The following ATF1 variants were observed in gnomAD, a reference collection of about 807,000 sequenced individuals.
ATF1 encodes cyclic AMP-dependent transcription factor ATF-1.
Under a neutral mutation model 34.7 loss-of-function variants are expected in ATF1, and 16 were observed. The ratio of observed to expected loss-of-function variants is 0.46; its 90% CI spans 0.31 to 0.70. The LOEUF (loss-of-function observed/expected upper bound fraction) is 0.70. Ranked by LOEUF, ATF1 falls within the 30% of genes least tolerant of loss-of-function variation. The pLI, the probability that ATF1 is intolerant of heterozygous loss-of-function variation, is 0.05. For missense variants in ATF1, 255 were observed against 321.6 expected (o/e 0.79, Z 1.58); for synonymous variants, 105 against 113.1 (o/e 0.93, Z 0.46).
intron 1 of ATF1, among the ~76,000 whole-genome samples, chr12:50,777,509 T>C (rs959614203): frequency 7.9e-5 from 12 of 152,282 alleles, no homozygotes; most frequent in African/African-American, 2.9e-4. Context: ...CATGTTTACT[T>C]ATACCTGTAA....
chr12:50,764,027 C>G (rs1381140057), upstream of ATF1: 1 of 152,208 alleles, frequency 6.6e-6, no homozygotes, highest in Admixed American at 6.5e-5. Flanking sequence ...CAAACGCACA[C>G]TAGTGCTCAG....
At chr12:50,808,632 T>G (rs1452032297) in intron 3 of ATF1, among the ~76,000 whole-genome samples, 1 of 152,076 alleles carries the variant, frequency 6.6e-6, no homozygotes, top group African/African-American at 2.4e-5. Flanking sequence ...CCCAGCCCTC[T>G]TTACTCTTTA....
Position 50,814,453 on chromosome 12 carries a change from T to C in ATF1, c.671+14T>C. 6.2e-7 allele frequency: 1 copy of C among 1,611,288 alleles called. No homozygotes were observed. Among genetic ancestry groups the C allele is most frequent in the Non-Finnish European group, 8.5e-7 (1 of 1,177,946 alleles). Reference sequence around the variant, plus strand: ...AATGAAAAACAGGTAGGTAGTAAAATCGTAGTACCAGAATGGGTAATGTTT... The same window carrying C: ...AATGAAAAACAGGTAGGTAGTAAAACCGTAGTACCAGAATGGGTAATGTTT... On this transcript the variant is annotated intron_variant, in intron 6 of 6. Transcript: ENST00000262053.
chr12:50,784,559 G>A (rs1029320480), intron 2 of ATF1, among the ~76,000 whole-genome samples: 3 of 152,156 alleles, frequency 2.0e-5, no homozygotes, highest in Non-Finnish European at 4.4e-5. Flanking sequence ...GTTGGGGTGC[G>A]AAGAGGGGAG....
chr12:50,776,233 G>A (rs1940918818), intron 1 of ATF1, among the ~76,000 whole-genome samples: 1 of 150,904 alleles, frequency 6.6e-6, no homozygotes, highest in African/African-American at 2.4e-5. Flanking sequence ...GGAGAATGGT[G>A]TGAACCCGGG....
chr12:50,768,445 C>T (rs1179358731), intron 1 of ATF1, among the ~76,000 whole-genome samples: 1 of 152,230 alleles, frequency 6.6e-6, no homozygotes, highest in Non-Finnish European at 1.5e-5. Context: ...CAAGCTCTAA[C>T]AGCCTGGACT....
chr12:50,783,849 A>T (rs1941124775), intron 2 of ATF1, among the ~76,000 whole-genome samples: 2 of 143,134 alleles, frequency 1.4e-5, no homozygotes, highest in Admixed American at 7.2e-5. Context: ...ACTGGGCGAC[A>T]GCGCAAAACT....
At chr12:50,809,336 T>G in intron 3 of ATF1, 120 bp from the exon 4 acceptor site, 1 of 880,526 alleles carries the variant, frequency 1.1e-6, no homozygotes, top group East Asian at 2.8e-5. Flanking sequence ...ATGGCGCCAC[T>G]GTACTCCAGC....
chr12:50,776,775 A>G (rs1940937294), intron 1 of ATF1, among the ~76,000 whole-genome samples: 1 of 152,180 alleles, frequency 6.6e-6, no homozygotes, highest in African/African-American at 2.4e-5. Flanking sequence ...ATTACAGAGA[A>G]AGGTTTATGC....
intron 3 of ATF1, among the ~76,000 whole-genome samples, chr12:50,807,334 A>G (rs1941634837): frequency 6.6e-6 from 1 of 151,984 alleles, no homozygotes; most frequent in Non-Finnish European, 1.5e-5. Flanking sequence ...GAGCCTGAGA[A>G]GTCACGGTGG....
upstream of ATF1, among the ~76,000 whole-genome samples, chr12:50,763,510 T>A (rs1007617981): frequency 1.3e-5 from 2 of 150,300 alleles, no homozygotes; most frequent in Admixed American, 6.6e-5. Context: ...AGCTGCCCCA[T>A]AGGCTGAGGT....
intron 4 of ATF1, among the ~76,000 whole-genome samples, chr12:50,812,962 A>T (rs1168648233): frequency 6.6e-6 from 1 of 152,224 alleles, no homozygotes; most frequent in Non-Finnish European, 1.5e-5. Context: ...ACATATACAT[A>T]TACATGTATT....
At chr12:50,817,594 T>TG (rs1198583435) in intron 6 of ATF1, among the ~76,000 whole-genome samples, 1 of 152,174 alleles carries the variant, frequency 6.6e-6, no homozygotes, top group Non-Finnish European at 1.5e-5. Context: ...CATACATTAC[T>TG]GAGGGAAGTA....
intron 2 of ATF1, among the ~76,000 whole-genome samples, chr12:50,789,099 G>A (rs1417355682): frequency 1.3e-5 from 2 of 151,016 alleles, no homozygotes; most frequent in Non-Finnish European, 3.0e-5. Context: ...TTTTTTCGGA[G>A]ACAGAGTCTT....
chr12:50,819,889 C>A lies in ATF1; in HGVS notation c.*110C>A. 2 of 956,994 alleles carry A rather than the reference C, an allele frequency of 2.1e-6. No individual in the cohort carries two copies. Among genetic ancestry groups the A allele is most frequent in the Non-Finnish European group, 3.0e-6 (2 of 660,532 alleles). The allele number at this position is 956,994 out of a possible 1,614,324, so 59.3% of individuals were successfully genotyped here. A position where few individuals can be genotyped will look rare whatever the true frequency, so the allele number is the denominator to read the frequency against. ...ACTGAAGCTTTTTATTTAGGCTTTT[C>A]CAAATCAAGGATAAATATCTTACGC... is the stretch of plus-strand genomic sequence containing the variant. On this transcript the variant is annotated 3_prime_UTR_variant, in exon 7 of 7. Transcript: ENST00000262053.
intron 2 of ATF1, among the ~76,000 whole-genome samples, chr12:50,789,969 T>G (rs1941267172): frequency 6.6e-6 from 1 of 152,104 alleles, no homozygotes; most frequent in Non-Finnish European, 1.5e-5. Flanking sequence ...TGGTGCCTAT[T>G]TTCCTTTTCA....
chr12:50,788,821 T>TAAAC (rs1466952031), intron 2 of ATF1, among the ~76,000 whole-genome samples: 1 of 152,186 alleles, frequency 6.6e-6, no homozygotes, highest in African/African-American at 2.4e-5. Context: ...TCTCATAGTA[T>TAAAC]AAACAATTGG....
intron 1 of ATF1, among the ~76,000 whole-genome samples, chr12:50,774,964 T>C (rs1362354505): frequency 6.6e-6 from 1 of 151,942 alleles, no homozygotes; most frequent in Admixed American, 6.6e-5. Flanking sequence ...CAGAATGGTG[T>C]CGATCTCCTG....
At chr12:50,772,413 G>A (rs1042781706) in intron 1 of ATF1, among the ~76,000 whole-genome samples, 1 of 146,800 alleles carries the variant, frequency 6.8e-6, no homozygotes, top group African/African-American at 2.5e-5. Flanking sequence ...CGCAACCTAC[G>A]CCTCCTGGAT....
Sources: allele counts gnomAD v4.1 joint callset (sites outside exome capture counted in the v4.1 genomes callset), GRCh38; gene constraint gnomAD v4.1.1; transcripts MANE v1.5; gene names NCBI Gene and HGNC (gene_info 2026-07-23, HGNC 2026-07-21).